PARP9: variants seen among roughly 807,000 people sequenced by gnomAD.
PARP9 encodes the protein protein mono-ADP-ribosyltransferase PARP9.
In PARP9, 48 loss-of-function variants were observed where a neutral mutation model predicts 68.8. The ratio of observed to expected loss-of-function variants is 0.70; its 90% CI spans 0.55 to 0.89. The LOEUF (loss-of-function observed/expected upper bound fraction) is 0.89. Among genes scored for constraint, PARP9 ranks in the 40% least tolerant of loss-of-function variants. The probability of loss-of-function intolerance (pLI) is 0.00; values close to 1 mark genes in which losing one functional copy is unlikely to be tolerated. For missense variants in PARP9, 806 were observed against 969.3 expected, an observed-to-expected ratio of 0.83 and a Z score of 2.24; for synonymous variants, 309 against 333.8, an observed-to-expected ratio of 0.93 and a Z score of 0.81.
chr3:122,553,018 G>A (rs1307592902), intron 4 of PARP9, among the ~76,000 whole-genome samples: 2 of 152,048 alleles, frequency 1.3e-5, no homozygotes, highest in East Asian at 1.9e-4. Flanking sequence ...CTATTTCGTC[G>A]TGGGTTTTTG....
In PARP9 at chr3:122,550,789, G is replaced by T; in HGVS notation, c.1121C>A (p.Ala374Glu). ...EFPKPQILKH[A>E]MKECLEKCIE... The stretch of plus-strand genomic sequence containing the variant: ...GCATTTTTCCAAACACTCCTTCATT[G>T]CATGTTTTAATATCTGCAGGAAAAC... Residue 374 changes from alanine (A) to glutamate (E), a missense_variant, in exon 6 of 11, where the codon GCA (alanine) becomes GAA (glutamate). Physicochemically the swap from Ala to Glu is moderately radical, Grantham distance 107 (BLOSUM62 -1). Coordinates refer to ENST00000682323, the MANE Select transcript of PARP9 (RefSeq NM_001146105.2). 1 of 1,613,390 alleles carries T rather than the reference G, an allele frequency of 6.2e-7. No homozygotes were observed. Among genetic ancestry groups the T allele is most frequent in the East Asian group, 2.2e-5 (1 of 44,854 alleles).
Position 122,545,312 on chromosome 3 carries a change from AC to A in PARP9, c.1384+119del, listed in dbSNP as rs1262945392. On this transcript the variant is annotated intron_variant, in intron 7 of 10. Coordinates refer to ENST00000682323, the MANE Select transcript of PARP9 (RefSeq NM_001146105.2). ...AGTAGGCAGGTATCCAAGCAGGACC[AC>A]AATGCAATACCTTTGGCTTATTTAT... 4 of 989,806 alleles carry A rather than the reference AC, an allele frequency of 4.0e-6. No homozygotes were observed. The African/African-American group carries it at 4.8e-5, about 12-fold the overall frequency. The allele number at this position is 989,806 out of a possible 1,614,324, so 61.3% of individuals were successfully genotyped here.
chr3:122,558,687 G>A (rs1232453041), intron 2 of PARP9, among the ~76,000 whole-genome samples: 1 of 152,088 alleles, frequency 6.6e-6, no homozygotes, highest in Admixed American at 6.5e-5. Context: ...TTCCCTAGGG[G>A]CCGATGCATT....
chr3:122,556,749 A>C (rs996436191), intron 3 of PARP9, among the ~76,000 whole-genome samples: 35 of 152,180 alleles, frequency 2.3e-4, no homozygotes, highest in African/African-American at 8.4e-4. Flanking sequence ...ACTGGGAAAC[A>C]GTGTAGATCT....
In PARP9 at chr3:122,536,341, A is replaced by G. The variant is rs537521229; in HGVS notation, c.1907T>C (p.Val636Ala). The change falls in exon 10 of 11, where the codon GTG becomes GCG. Residue 636 changes from valine (V) to alanine (A), a missense_variant and splice_region_variant. Around this residue, in one of 2 missense-constraint regions of PARP9, gnomAD observed 680 missense variants for 858.8 expected, o/e 0.79. Transcript: ENST00000682323. Reference protein sequence around the residue: ...FEKCGLQVLKVEKIDNEVLMA... With the variant: ...FEKCGLQVLKAEKIDNEVLMA... Reference sequence around the variant, plus strand: ...AAGGACCTCATTGTCTATCTTCTCCACCTAGAACCATAGAAAAGAAAGACT... The same window carrying G: ...AAGGACCTCATTGTCTATCTTCTCCGCCTAGAACCATAGAAAAGAAAGACT... 2.5e-6 allele frequency: 4 copies of G among 1,612,316 alleles called. No individual in the cohort carries two copies. In the South Asian group the frequency reaches 4.4e-5, roughly 18 times the overall value.
rs2079120209 is a variant in PARP9, at chr3:122,550,572, A to G, written c.1326+12T>C. 3 of 1,572,374 alleles carry G rather than the reference A, an allele frequency of 1.9e-6. No individual in the cohort carries two copies. Among genetic ancestry groups the G allele is most frequent in the Non-Finnish European group, 2.6e-6 (3 of 1,144,744 alleles). On this transcript the variant is annotated intron_variant, in intron 6 of 10. Coordinates refer to ENST00000682323, the MANE Select transcript of PARP9 (RefSeq NM_001146105.2). ...GAATGAACAGTAGGACATTTCTAAGATATTAACTTACCTTATATATCTCCA... is the reference window on the plus strand; with the variant it reads ...GAATGAACAGTAGGACATTTCTAAGGTATTAACTTACCTTATATATCTCCA...
At chr3:122,537,378 T>C (rs78070975) in intron 8 of PARP9, among the ~76,000 whole-genome samples, 4,312 of 152,312 alleles carry the variant, frequency 0.028, 188 homozygotes, top group African/African-American at 0.094. Flanking sequence ...GTGTTGCTCA[T>C]AGGAAATGTT....
chr3:122,534,086 G>A (rs1201385192), intron 10 of PARP9: 1 of 983,266 alleles, frequency 1.0e-6, no homozygotes, highest in Non-Finnish European at 1.2e-6. Context: ...TTAAGCTAAG[G>A]GATAGGGAGA....
intron 10 of PARP9, 150 bp downstream of exon 10, chr3:122,536,018 T>C: frequency 3.9e-6 from 6 of 1,529,960 alleles, no homozygotes; most frequent in Non-Finnish European, 5.3e-6. Flanking sequence ...CCAAAATACT[T>C]TGTGACCTGG....
intron 7 of PARP9, among the ~76,000 whole-genome samples, chr3:122,543,082 T>G (rs6785584): frequency 9.8e-4 from 149 of 151,930 alleles, no homozygotes; most frequent in African/African-American, 3.5e-3. Context: ...AATTCTTTTT[T>G]GTATTTTTAG....
chr3:122,555,440 C>T lies in PARP9; in HGVS notation c.731G>A (p.Ser244Asn). 2 of 1,614,126 alleles carry T rather than the reference C, an allele frequency of 1.2e-6. No individual in the cohort carries two copies. Among genetic ancestry groups the T allele is most frequent in the Non-Finnish European group, 1.7e-6 (2 of 1,180,024 alleles). The part of the protein sequence containing the change: ...MSNLKEIHLV[S>N]NEDPTVAAFK... ...GGCAGCAACAGTAGGGTCCTCATTG[C>T]TCACCAGGTGAATTTCTTTCAAATT... The change falls in exon 4 of 11, where the codon AGC becomes AAC. Residue 244 changes from serine (S) to asparagine (N), a missense_variant. By Grantham distance (46) the Ser-to-Asn change is conservative. This residue lies in a region of PARP9 where 680 missense variants were observed against 858.8 expected (regional missense o/e 0.79). Coordinates refer to ENST00000682323, the MANE Select transcript of PARP9 (RefSeq NM_001146105.2).
intron 10 of PARP9, 55 bp downstream of exon 10, chr3:122,536,113 T>A: frequency 6.2e-7 from 1 of 1,613,680 alleles, no homozygotes; most frequent in Non-Finnish European, 8.5e-7. Flanking sequence ...AATCTACTGA[T>A]GTCAGCTCAC....
intron 10 of PARP9, chr3:122,534,349 G>C: frequency 2.0e-6 from 2 of 985,360 alleles, no homozygotes; most frequent in Non-Finnish European, 2.4e-6. Flanking sequence ...ATAGCCAAGG[G>C]CCACAATATA....
intron 6 of PARP9, 152 bp downstream of exon 6, chr3:122,550,432 A>T (rs2079107495): frequency 1.5e-6 from 1 of 667,336 alleles, no homozygotes; most frequent in Non-Finnish European, 2.5e-6. Flanking sequence ...GACAATCTGT[A>T]AAAATTAAAC....
intron 10 of PARP9, 29 bp downstream of exon 10, chr3:122,536,139 A>G: frequency 6.2e-7 from 1 of 1,614,178 alleles, no homozygotes; most frequent in South Asian, 1.1e-5. Context: ...TCCACAGAGT[A>G]GCCCCAATGA....
At chr3:122,537,887 T>C (rs186293155) in intron 8 of PARP9, among the ~76,000 whole-genome samples, 13 of 152,268 alleles carry the variant, frequency 8.5e-5, no homozygotes, top group Admixed American at 3.9e-4. Context: ...AACCTGTTTT[T>C]GTCCAAGGGA....
At chr3:122,542,037 G>A (rs1576400124) in intron 7 of PARP9, among the ~76,000 whole-genome samples, 1 of 152,060 alleles carries the variant, frequency 6.6e-6, no homozygotes. Context: ...ACAGTAAGAA[G>A]TAACCCAGGT....
At chr3:122,534,808 G>A (rs1436027555) in intron 10 of PARP9, 6 of 550,376 alleles carry the variant, frequency 1.1e-5, no homozygotes, top group Admixed American at 6.4e-5. Flanking sequence ...TCTCGGAGGC[G>A]GAGGTTGCAG....
At chr3:122,532,551 G>T in intron 10 of PARP9, 2 of 490,320 alleles carry the variant, frequency 4.1e-6, no homozygotes, top group Non-Finnish European at 5.3e-6. Flanking sequence ...CATGGGGAAC[G>T]TGAGAGTTGG....
Sources: gnomAD v4.1 joint callset for allele counts (sites outside exome capture counted in the v4.1 genomes callset) on GRCh38, gnomAD v4.1.1 for gene constraint, gnomAD v4.1.1 regional missense constraint, MANE v1.5 for transcripts, NCBI Gene and HGNC (gene_info 2026-07-23, HGNC 2026-07-21) for gene names.